TAOK1: variants seen among roughly 807,000 people sequenced by gnomAD.
TAOK1 encodes the protein TAO kinase 1.
TAOK1 carries 21 observed loss-of-function variants against 138.3 expected under a neutral mutation model. The ratio of observed to expected loss-of-function variants is 0.15; its 90% CI spans 0.11 to 0.22. The LOEUF (loss-of-function observed/expected upper bound fraction) is 0.22. TAOK1 is among the 10% of genes least tolerant of loss of function. TAOK1 has a pLI of 1.00. For synonymous variants in TAOK1, 361 were observed against 398.4 expected (o/e 0.91, Z 1.12); for missense variants, 651 against 1,227.7 (o/e 0.53, Z 7.02).
At chr17:29,493,495 A>G (rs754619602) in intron 10 of TAOK1, among the ~76,000 whole-genome samples, 5 of 138,954 alleles carry the variant, frequency 3.6e-5, no homozygotes, top group East Asian at 2.0e-4. Context: ...CTCCATCTCG[A>G]AAAAAAAAAA....
intron 17 of TAOK1, among the ~76,000 whole-genome samples, chr17:29,527,985 G>A (rs1011602043): frequency 1.3e-5 from 2 of 152,130 alleles, no homozygotes; most frequent in East Asian, 1.9e-4. Flanking sequence ...TGTCTCCTCC[G>A]TTACCACAGA....
intron 2 of TAOK1, among the ~76,000 whole-genome samples, chr17:29,454,288 T>C (rs1369751339): frequency 6.6e-6 from 1 of 152,232 alleles, no homozygotes; most frequent in Admixed American, 6.5e-5. Context: ...TGTCTATCTT[T>C]ATGTCAGTAC....
intron 1 of TAOK1, among the ~76,000 whole-genome samples, chr17:29,438,699 CAAAT>C (rs1445505555): frequency 6.6e-6 from 1 of 152,078 alleles, no homozygotes; most frequent in Non-Finnish European, 1.5e-5. Context: ...AACAGACAAA[CAAAT>C]AAAGCTATCA....
intron 17 of TAOK1, 89 bp downstream of exon 17, chr17:29,522,608 A>G (rs1330515704): frequency 6.6e-7 from 1 of 1,522,316 alleles, no homozygotes; most frequent in Non-Finnish European, 8.8e-7. Flanking sequence ...ATGTCTAGTC[A>G]TAAAGAAATT....
At chr17:29,484,232 G>T (rs2031121304) in intron 8 of TAOK1, among the ~76,000 whole-genome samples, 1 of 152,098 alleles carries the variant, frequency 6.6e-6, no homozygotes, top group African/African-American at 2.4e-5. Flanking sequence ...AAATAATTTT[G>T]CATGGGAGAA....
intron 3 of TAOK1, among the ~76,000 whole-genome samples, chr17:29,467,730 A>G (rs2030706085): frequency 6.6e-6 from 1 of 152,128 alleles, no homozygotes; most frequent in African/African-American, 2.4e-5. Context: ...TTTAACTCTA[A>G]TAGTACTGAG....
At chr17:29,489,327 A>G (rs1405465141) in intron 8 of TAOK1, among the ~76,000 whole-genome samples, 1 of 152,036 alleles carries the variant, frequency 6.6e-6, no homozygotes, top group East Asian at 1.9e-4. Context: ...GTGAAACCCC[A>G]TCTCTACAGA....
At chr17:29,526,340 G>A (rs1310818301) in intron 17 of TAOK1, among the ~76,000 whole-genome samples, 1 of 152,168 alleles carries the variant, frequency 6.6e-6, no homozygotes, top group Admixed American at 6.6e-5. Flanking sequence ...CTATTTTACT[G>A]AGGCAGAAGA....
chr17:29,476,023 A>G (rs1567728953), intron 4 of TAOK1, among the ~76,000 whole-genome samples: 1 of 152,246 alleles, frequency 6.6e-6, no homozygotes, highest in Non-Finnish European at 1.5e-5. Flanking sequence ...GTCCTATGAC[A>G]GTTTTAGTAG....
At position 29,394,151 on chromosome 17, in the gene TAOK1, T is replaced by TTTTG. The variant is rs1491423615; in HGVS notation, c.-95+3130_-95+3131insGTTT. 9.1e-3 allele frequency among the ~76,000 whole-genome samples: 124 copies of TTTTG among 13,644 alleles called. 2 individuals are homozygous for TTTTG. Among genetic ancestry groups the TTTTG allele is most frequent in the Non-Finnish European group, 0.015 (108 of 7,392 alleles). 9.0% of individuals were successfully genotyped at this position (13,644 alleles called of 152,430 possible). On this transcript the variant is annotated intron_variant, in intron 1 of 19. Transcript: ENST00000261716. ...ATGATTTATTTTAATAATTTGCCAG[T>TTTTG]TTTTTTTTTTTTTTTTTTTTTTTTT... is the stretch of plus-strand genomic sequence containing the variant.
chr17:29,507,287 T>C (rs1391930725), intron 13 of TAOK1, among the ~76,000 whole-genome samples: 2 of 151,844 alleles, frequency 1.3e-5, no homozygotes, highest in Non-Finnish European at 2.9e-5. Flanking sequence ...TTTTTTTCTT[T>C]GTAGTCAGTG....
intron 12 of TAOK1, among the ~76,000 whole-genome samples, chr17:29,498,924 T>G (rs2031462894): frequency 6.8e-6 from 1 of 147,112 alleles, no homozygotes; most frequent in Non-Finnish European, 1.5e-5. Context: ...AGACCCTATC[T>G]CAAAAAAAAA....
chr17:29,531,719 C>T lies in TAOK1; in HGVS notation c.2361+1100C>T, dbSNP rs1177475232. Among the ~76,000 whole-genome samples, 6 of 150,956 alleles carry T rather than the reference C, an allele frequency of 4.0e-5. No homozygotes were observed. The East Asian group carries it at 8.1e-4, about 20-fold the overall frequency. ...CAGAGGTTGCAGTGAGCCGAGATTG[C>T]GCCATTGCACTCCAGCCTGGGCAAC... On this transcript the variant is annotated intron_variant, in intron 18 of 19. Transcript: ENST00000261716.
At chr17:29,529,861 C>CAAA (rs35675934) in intron 17 of TAOK1, among the ~76,000 whole-genome samples, 3 of 125,944 alleles carry the variant, frequency 2.4e-5, no homozygotes, top group Non-Finnish European at 1.7e-5. Flanking sequence ...AGCGAGATTC[C>CAAA]AAAAAAAAAA....
In TAOK1 at chr17:29,404,269, C is replaced by T. The variant is rs567957605; in HGVS notation, c.-95+13245C>T. 2.0e-5 allele frequency among the ~76,000 whole-genome samples: 3 copies of T among 152,138 alleles called. No individual in the cohort carries two copies. In the South Asian group the frequency reaches 6.2e-4, roughly 32 times the overall value. Reference sequence around the variant, plus strand: ...TCTTGACCTCCTGGGCTCAAGTGATCCTCCTGCCTCAGCCCCACAAGTAGC... The same window carrying T: ...TCTTGACCTCCTGGGCTCAAGTGATTCTCCTGCCTCAGCCCCACAAGTAGC... On this transcript the variant is annotated intron_variant, in intron 1 of 19. Transcript: ENST00000261716.
intron 1 of TAOK1, among the ~76,000 whole-genome samples, chr17:29,435,430 C>T (rs1052158596): frequency 3.3e-5 from 5 of 152,138 alleles, no homozygotes; most frequent in African/African-American, 1.2e-4. Context: ...TAAAGTATAG[C>T]AAGAATAATT....
chr17:29,448,318 T>C (rs967156722), intron 1 of TAOK1, among the ~76,000 whole-genome samples: 4 of 152,142 alleles, frequency 2.6e-5, no homozygotes, highest in African/African-American at 9.7e-5. Flanking sequence ...TCAATCTTTT[T>C]CCCATTGATT....
At chr17:29,492,803 AAAAT>A (rs1156531421) in intron 10 of TAOK1, among the ~76,000 whole-genome samples, 1 of 151,870 alleles carries the variant, frequency 6.6e-6, no homozygotes, top group Non-Finnish European at 1.5e-5. Context: ...AAAAAAATAA[AAAAT>A]AAATAAATAT....
chr17:29,409,389 C>T (rs564793287), intron 1 of TAOK1, among the ~76,000 whole-genome samples: 1 of 132,576 alleles, frequency 7.5e-6, no homozygotes, highest in East Asian at 2.2e-4. Context: ...GGCTGGAGTG[C>T]AGTGGTGAAA....
Sources: allele counts gnomAD v4.1 joint callset (sites outside exome capture counted in the v4.1 genomes callset), GRCh38; gene constraint gnomAD v4.1.1; transcripts MANE v1.5; gene names NCBI Gene and HGNC (gene_info 2026-07-23, HGNC 2026-07-21).